RANBP2: variants seen among roughly 807,000 people sequenced by gnomAD.
RANBP2 encodes the protein E3 SUMO-protein ligase RanBP2.
Under a neutral mutation model 303.6 loss-of-function variants are expected in RANBP2, and 57 were observed. The observed-to-expected ratio is 0.19, with a 90% confidence interval of 0.15 to 0.23. The LOEUF (loss-of-function observed/expected upper bound fraction) is 0.23, where lower values mean the gene tolerates loss of function less well. Among genes scored for constraint, RANBP2 ranks in the 10% least tolerant of loss-of-function variants. RANBP2 has a pLI of 1.00. For synonymous variants in RANBP2, 1,167 were observed against 1,301.5 expected, an observed-to-expected ratio of 0.90 and a Z score of 2.23; for missense variants, 3,138 against 3,780.8, an observed-to-expected ratio of 0.83 and a Z score of 4.46.
At chr2:109,257,948 T>C in the RANBP2 span, among the ~76,000 whole-genome samples, 2 of 152,080 alleles carry the variant, frequency 1.3e-5, no homozygotes, top group Non-Finnish European at 2.9e-5. Flanking sequence ...TTGCCTTTTG[T>C]GTTCACCATT....
chr2:109,645,344 A>T, the RANBP2 span, among the ~76,000 whole-genome samples: 2 of 152,272 alleles, frequency 1.3e-5, no homozygotes, highest in African/African-American at 4.8e-5. Flanking sequence ...GAATTGGCAC[A>T]GAGTGGGCAC....
At chr2:109,069,213 A>G in the RANBP2 span, among the ~76,000 whole-genome samples, 1 of 152,232 alleles carries the variant, frequency 6.6e-6, no homozygotes, top group African/African-American at 2.4e-5. Flanking sequence ...AATAAAATAG[A>G]GATCATAAAA....
At chr2:109,172,433 A>G in the RANBP2 span, among the ~76,000 whole-genome samples, 1 of 152,248 alleles carries the variant, frequency 6.6e-6, no homozygotes, top group Non-Finnish European at 1.5e-5. Context: ...ACCTAAAAAC[A>G]TTAAAATACG....
the RANBP2 span, among the ~76,000 whole-genome samples, chr2:109,345,740 A>G: frequency 6.6e-6 from 1 of 152,234 alleles, no homozygotes; most frequent in Non-Finnish European, 1.5e-5. Flanking sequence ...AAGTTCTATT[A>G]GAACAGGGAA....
the RANBP2 span, among the ~76,000 whole-genome samples, chr2:109,230,290 C>A: frequency 6.6e-6 from 1 of 152,050 alleles, no homozygotes; most frequent in African/African-American, 2.4e-5. Context: ...AAATCTGTAA[C>A]CCTGGCCAGG....
the RANBP2 span, among the ~76,000 whole-genome samples, chr2:109,130,708 GC>G: frequency 6.6e-6 from 1 of 152,188 alleles, no homozygotes; most frequent in African/African-American, 2.4e-5. Flanking sequence ...CTAACCAGAA[GC>G]CAAGGTCTTC....
the RANBP2 span, among the ~76,000 whole-genome samples, chr2:109,575,425 T>C: frequency 2.6e-5 from 4 of 152,256 alleles, no homozygotes; most frequent in African/African-American, 9.6e-5. Context: ...CACGTTTTTA[T>C]TTTTATTTAA....
chr2:109,686,957 G>GT, the RANBP2 span, among the ~76,000 whole-genome samples: 2 of 152,206 alleles, frequency 1.3e-5, no homozygotes, highest in African/African-American at 2.4e-5. Context: ...ACATAAAGTT[G>GT]TTTTCATTCC....
chr2:109,448,344 C>T, the RANBP2 span, among the ~76,000 whole-genome samples: 4 of 152,212 alleles, frequency 2.6e-5, no homozygotes, highest in Non-Finnish European at 5.9e-5. Context: ...CCCCAGCCTC[C>T]AAGCCACAGA....
chr2:109,212,328 G>C, the RANBP2 span, among the ~76,000 whole-genome samples: 1 of 152,244 alleles, frequency 6.6e-6, no homozygotes, highest in East Asian at 1.9e-4. Flanking sequence ...TTTTCAATTA[G>C]AGTCTGACCA....
At chr2:109,475,943 A>G in the RANBP2 span, among the ~76,000 whole-genome samples, 3 of 152,196 alleles carry the variant, frequency 2.0e-5, no homozygotes, top group Non-Finnish European at 4.4e-5. Context: ...TAGGCCAACC[A>G]AAAACTTCCT....
chr2:108,803,441 A>T, the RANBP2 span, among the ~76,000 whole-genome samples: 3,458 of 151,762 alleles, frequency 0.023, 68 homozygotes, highest in Non-Finnish European at 0.036. Flanking sequence ...TTAAAAAAAA[A>T]TTTTTTTTTA....
the RANBP2 span, among the ~76,000 whole-genome samples, chr2:109,358,128 A>G: frequency 3.7e-4 from 56 of 152,304 alleles, no homozygotes; most frequent in Middle Eastern, 6.8e-3. Flanking sequence ...AGAACGTCAT[A>G]CGGTTGAAAT....
At chr2:108,747,641 C>T (rs1176132280) in intron 8 of RANBP2, among the ~76,000 whole-genome samples, 1 of 152,052 alleles carries the variant, frequency 6.6e-6, no homozygotes, top group Non-Finnish European at 1.5e-5. Flanking sequence ...CGTGGTGTCA[C>T]AGTTAGATAA....
chr2:109,683,928 A>G, the RANBP2 span, among the ~76,000 whole-genome samples: 2 of 150,360 alleles, frequency 1.3e-5, no homozygotes, highest in African/African-American at 4.9e-5. Context: ...GTTTCCCCCA[A>G]ATATTATTAG....
intron 1 of RANBP2, among the ~76,000 whole-genome samples, chr2:108,720,905 C>T (rs1358181121): frequency 3.9e-5 from 6 of 152,080 alleles, no homozygotes; most frequent in Admixed American, 2.6e-4. Context: ...AAAAGTTAGC[C>T]GGGCGTGGTG....
At chr2:109,583,682 T>C in the RANBP2 span, among the ~76,000 whole-genome samples, 5 of 152,146 alleles carry the variant, frequency 3.3e-5, no homozygotes, top group African/African-American at 1.2e-4. Context: ...AAGACACATG[T>C]ACTCATATGT....
the RANBP2 span, among the ~76,000 whole-genome samples, chr2:108,840,483 A>G: frequency 1.8e-4 from 27 of 152,168 alleles, no homozygotes; most frequent in South Asian, 4.1e-4. Context: ...GAGGTTTTAA[A>G]TTATGAATTT....
At chr2:109,372,303 T>C in the RANBP2 span, among the ~76,000 whole-genome samples, 1 of 152,214 alleles carries the variant, frequency 6.6e-6, no homozygotes, top group East Asian at 1.9e-4. Flanking sequence ...TCTTAACACG[T>C]GTGTCTTTAA....
Sources: gnomAD v4.1 joint callset for allele counts (sites outside exome capture counted in the v4.1 genomes callset) on GRCh38, gnomAD v4.1.1 for gene constraint, MANE v1.5 for transcripts, NCBI Gene and HGNC (gene_info 2026-07-23, HGNC 2026-07-21) for gene names.